MAST4: variants seen among roughly 807,000 people sequenced by gnomAD.
MAST4 encodes microtubule-associated serine/threonine-protein kinase 4.
MAST4 carries 89 observed loss-of-function variants against 162.7 expected under a neutral mutation model. That is an observed-to-expected ratio of 0.55 (90% CI 0.46 to 0.65). MAST4 has a LOEUF of 0.65. Ranked by LOEUF, MAST4 falls within the 30% of genes least tolerant of loss-of-function variation. The pLI is 0.00. For missense variants in MAST4, 3,153 were observed against 3,374.0 expected (o/e 0.93, Z 1.62); for synonymous variants, 1,479 against 1,361.1 (o/e 1.09, Z -1.91).
intron 1 of MAST4, among the ~76,000 whole-genome samples, chr5:66,679,122 T>G (rs1748156418): frequency 6.6e-6 from 1 of 152,126 alleles, no homozygotes; most frequent in Non-Finnish European, 1.5e-5. Context: ...CAATTATACC[T>G]TAATAAAGCT....
At chr5:66,928,159 C>G (rs1405931830) in intron 4 of MAST4, among the ~76,000 whole-genome samples, 3 of 152,202 alleles carry the variant, frequency 2.0e-5, no homozygotes, top group Non-Finnish European at 4.4e-5. Context: ...CAACAGCTTT[C>G]CAGGGGCACA....
chr5:66,618,034 G>GGGC (rs1554035638), intron 1 of MAST4, among the ~76,000 whole-genome samples: 3 of 122,952 alleles, frequency 2.4e-5, no homozygotes, highest in Non-Finnish European at 3.5e-5. Context: ...TGGGAGGAAT[G>GGGC]GGGGGGGGGC....
At chr5:66,696,732 C>T (rs564444949) in intron 1 of MAST4, among the ~76,000 whole-genome samples, 2 of 142,298 alleles carry the variant, frequency 1.4e-5, no homozygotes, top group Non-Finnish European at 1.5e-5. Flanking sequence ...ATAATAATAC[C>T]GAGATATCAT....
intron 4 of MAST4, among the ~76,000 whole-genome samples, chr5:66,955,487 T>A (rs1018158244): frequency 6.6e-5 from 10 of 152,104 alleles, no homozygotes; most frequent in African/African-American, 2.4e-4. Context: ...CTGGTGAGAC[T>A]CTTCTTCAAT....
chr5:67,154,452 T>G (rs1470379141), intron 26 of MAST4, among the ~76,000 whole-genome samples: 2 of 152,246 alleles, frequency 1.3e-5, no homozygotes, highest in Admixed American at 1.3e-4. Context: ...CTTTCGTGAT[T>G]TATTTTGTAA....
At chr5:66,879,220 A>C (rs879463835) in intron 3 of MAST4, among the ~76,000 whole-genome samples, 1 of 152,128 alleles carries the variant, frequency 6.6e-6, no homozygotes, top group South Asian at 2.1e-4. Context: ...CGGAGCTTGC[A>C]GTGAGCCGAG....
chr5:67,157,664 G>A (rs1347072043), intron 26 of MAST4, among the ~76,000 whole-genome samples: 1 of 152,212 alleles, frequency 6.6e-6, no homozygotes, highest in Non-Finnish European at 1.5e-5. Flanking sequence ...TGCCCACAGG[G>A]AGCGGGGTTT....
intron 1 of MAST4, among the ~76,000 whole-genome samples, chr5:66,649,812 C>T (rs1362980569): frequency 6.6e-6 from 1 of 152,126 alleles, no homozygotes. Flanking sequence ...CTGCTATAAT[C>T]CCAGCACTTT....
intron 3 of MAST4, 108 bp downstream of exon 3, chr5:66,788,902 T>A: frequency 7.6e-7 from 1 of 1,317,140 alleles, no homozygotes; most frequent in Non-Finnish European, 9.9e-7. Flanking sequence ...CATGTGACGT[T>A]AAGCACATAT....
intron 4 of MAST4, among the ~76,000 whole-genome samples, chr5:66,940,939 C>T (rs1213211578): frequency 6.6e-6 from 1 of 152,096 alleles, no homozygotes; most frequent in Non-Finnish European, 1.5e-5. Context: ...AAAACAATAT[C>T]AATTTCTTTG....
At chr5:67,063,196 C>T (rs1402759183) in intron 5 of MAST4, among the ~76,000 whole-genome samples, 1 of 151,708 alleles carries the variant, frequency 6.6e-6, no homozygotes, top group Non-Finnish European at 1.5e-5. Flanking sequence ...GTGTAATTGC[C>T]AATTGTTACT....
intron 3 of MAST4, among the ~76,000 whole-genome samples, chr5:66,838,027 TG>T (rs1251735717): frequency 6.6e-6 from 1 of 151,220 alleles, no homozygotes; most frequent in Admixed American, 6.6e-5. Context: ...CAATCTGCCT[TG>T]GGGGGCAATT....
intron 3 of MAST4, among the ~76,000 whole-genome samples, chr5:66,843,329 A>G (rs2149791971): frequency 6.6e-6 from 1 of 152,288 alleles, no homozygotes; most frequent in Admixed American, 6.5e-5. Flanking sequence ...TCATTTGTCA[A>G]GCACTTGAAA....
intron 5 of MAST4, among the ~76,000 whole-genome samples, chr5:67,056,069 A>G (rs1231524267): frequency 6.7e-6 from 1 of 149,826 alleles, no homozygotes; most frequent in Admixed American, 6.7e-5. Context: ...CTATATATTC[A>G]CTGTATTATA....
At chr5:66,725,478 A>C (rs1205098906) in intron 1 of MAST4, among the ~76,000 whole-genome samples, 4 of 152,184 alleles carry the variant, frequency 2.6e-5, no homozygotes, top group Admixed American at 2.6e-4. Context: ...ATCAACAAAT[A>C]TGAATGCTCA....
intron 1 of MAST4, among the ~76,000 whole-genome samples, chr5:66,719,325 C>A (rs540233222): frequency 6.6e-6 from 1 of 152,194 alleles, no homozygotes; most frequent in South Asian, 2.1e-4. Flanking sequence ...TACGAATCTT[C>A]TTCCCAATGG....
chr5:66,925,466 G>A (rs560480709), intron 4 of MAST4, among the ~76,000 whole-genome samples: 43 of 152,256 alleles, frequency 2.8e-4, no homozygotes, highest in African/African-American at 9.4e-4. Flanking sequence ...CAACAGAGAT[G>A]CTATATTCAT....
At chr5:67,074,188 A>T (rs1297453118) in intron 5 of MAST4, among the ~76,000 whole-genome samples, 1 of 152,178 alleles carries the variant, frequency 6.6e-6, no homozygotes, top group Non-Finnish European at 1.5e-5. Flanking sequence ...GAAATGACAG[A>T]TAAACAGATG....
At chr5:67,019,585 C>G (rs911792370) in intron 4 of MAST4, among the ~76,000 whole-genome samples, 3 of 152,202 alleles carry the variant, frequency 2.0e-5, no homozygotes, top group Non-Finnish European at 4.4e-5. Context: ...TCCATCTGCT[C>G]CACATCTTCC....
Sources: gnomAD v4.1 joint callset for allele counts (sites outside exome capture counted in the v4.1 genomes callset) on GRCh38, gnomAD v4.1.1 for gene constraint, MANE v1.5 for transcripts, NCBI Gene and HGNC (gene_info 2026-07-23, HGNC 2026-07-21) for gene names.